ACLY: variants seen among roughly 807,000 people sequenced by gnomAD.
The protein encoded by ACLY is ATP-citrate synthase.
Under a neutral mutation model 133.0 loss-of-function variants are expected in ACLY, and 41 were observed. That is an observed-to-expected ratio of 0.31 (90% CI 0.24 to 0.40). The LOEUF is 0.40. Ranked by LOEUF, ACLY falls within the 10% of genes least tolerant of loss-of-function variation. The pLI is 1.00. For synonymous variants in ACLY, 495 were observed against 549.3 expected, an observed-to-expected ratio of 0.90 and a Z score of 1.38; for missense variants, 1,046 against 1,453.8, an observed-to-expected ratio of 0.72 and a Z score of 4.56.
Position 41,878,163 on chromosome 17 carries a change from G to T in ACLY, c.2427C>A (p.Val809=). 6.3e-7 allele frequency: 1 copy of T among 1,596,726 alleles called. No individual in the cohort carries two copies. The highest frequency in any genetic ancestry group is 1.1e-5 in the South Asian group (1 of 89,018). ...SVYEDLVANG[V]IVPAQEVPPP... ...GCGGCACCTCCTGGGCAGGTACAAT[G>T]ACTCCATTGGCCACGAGATCTTCGT... Residue 809 remains valine (V), a synonymous_variant, in exon 22 of 29, where the codon GTC becomes GTA. Transcript: ENST00000352035.
chr17:41,869,524 T>C lies in ACLY; in HGVS notation c.3001A>G (p.Thr1001Ala). The change falls in exon 26 of 29, where the codon ACT (threonine) becomes GCT (alanine). Residue 1001 changes from threonine (T) to alanine (A), a missense_variant. Coordinates refer to ENST00000352035, the MANE Select transcript of ACLY (RefSeq NM_001096.3). Reference sequence around the variant, plus strand: ...TCCAGTGCATAATCGAGCAGAGGAGTGGCAGGGAAGTGCTGCCTGACGTAA... The same window carrying C: ...TCCAGTGCATAATCGAGCAGAGGAGCGGCAGGGAAGTGCTGCCTGACGTAA... ...KDYVRQHFPATPLLDYALEVE... is the reference protein window; with the variant it reads ...KDYVRQHFPAAPLLDYALEVE... 1 of 1,614,038 alleles carries C rather than the reference T, an allele frequency of 6.2e-7. No individual in the cohort carries two copies. The highest frequency in any genetic ancestry group is 8.5e-7 in the Non-Finnish European group (1 of 1,180,014).
chr17:41,928,434 G>A (rs1555636187), intron 1 of ACLY, among the ~76,000 whole-genome samples: 10 of 152,008 alleles, frequency 6.6e-5, no homozygotes, highest in South Asian at 2.1e-4. Context: ...TTTAAAATAA[G>A]TCTTGAAATC....
rs138642795 is a variant in ACLY, at chr17:41,905,541, G to A, written c.984C>T (p.Thr328=). ...TCTCACCATCTGGGTGCTTCTCTCG[G>A]GTCATGAGGGAGAGGATAGTCTTGG... ...DYAKTILSLM[T]REKHPDGKIL... is the part of the protein sequence containing the mutation. Residue 328 remains threonine (T), a synonymous_variant, in exon 9 of 29, where the codon ACC becomes ACT. Transcript: ENST00000352035. The A allele has an allele frequency of 6.2e-6, 10 of 1,614,168 alleles. No homozygotes were observed. The African/African-American group carries it at 1.2e-4, about 19-fold the overall frequency.
intron 25 of ACLY, chr17:41,870,813 G>A (rs1244185321): frequency 2.6e-5 from 4 of 152,208 alleles, no homozygotes; most frequent in Non-Finnish European, 5.9e-5. Flanking sequence ...CCAATGAAAT[G>A]TGAGTGAAGG....
intron 5 of ACLY, 141 bp from the exon 6 acceptor site, chr17:41,909,209 G>A: frequency 1.4e-6 from 1 of 717,314 alleles, no homozygotes; most frequent in East Asian, 2.7e-5. Flanking sequence ...CATCTCCTCT[G>A]CAACCCCTGC....
Position 41,909,005 on chromosome 17 carries a change from G to C in ACLY, c.600C>G (p.Leu200=). The change falls in exon 6 of 29, where the codon CTC becomes CTG. Residue 200 remains leucine (L), a synonymous_variant. Coordinates refer to ENST00000352035, the MANE Select transcript of ACLY (RefSeq NM_001096.3). ...NFYEDLYFTY[L]EINPLVVTKD... The stretch of plus-strand genomic sequence containing the variant: ...CCCAGTTACCAAGGGGATTGATCTC[G>C]AGGTAGGTGAAGTACAAGTCCTCGT... 1 of 1,613,274 alleles carries C rather than the reference G, an allele frequency of 6.2e-7. No individual in the cohort carries two copies. Among genetic ancestry groups the C allele is most frequent in the East Asian group, 2.2e-5 (1 of 44,870 alleles).
chr17:41,896,868 C>A (rs1315243696), intron 13 of ACLY, among the ~76,000 whole-genome samples: 5 of 152,188 alleles, frequency 3.3e-5, no homozygotes. Context: ...AAAGACCAAA[C>A]GGGCAGAGAG....
rs578028563 is a variant in ACLY at position 41,915,496 on chromosome 17, G to A, written c.-23-1600C>T. Among the ~76,000 whole-genome samples, 5 of 152,272 alleles carry A rather than the reference G, an allele frequency of 3.3e-5. No individual in the cohort carries two copies. In the South Asian group the frequency reaches 1.0e-3, roughly 32 times the overall value. On this transcript the variant is annotated intron_variant, in intron 1 of 28. Transcript: ENST00000352035. ...CCCCTCCCAATCGGCCAGGCTGGTG[G>A]GGCTTCAGGTTCTCATCCTGGCTTG... is the stretch of plus-strand genomic sequence containing the variant.
At chr17:41,888,882 G>A (rs1567895983) in intron 16 of ACLY, among the ~76,000 whole-genome samples, 1 of 152,128 alleles carries the variant, frequency 6.6e-6, no homozygotes, top group Non-Finnish European at 1.5e-5. Flanking sequence ...AATCTGCAAG[G>A]CCAAGGTGGG....
intron 27 of ACLY, 113 bp from the exon 28 acceptor site, chr17:41,868,898 G>T: frequency 7.5e-7 from 1 of 1,337,928 alleles, no homozygotes; most frequent in South Asian, 1.2e-5. Flanking sequence ...CTGGGTGGTA[G>T]CATTACAGGC....
intron 25 of ACLY, chr17:41,870,577 C>T (rs1404396652): frequency 6.6e-6 from 1 of 152,236 alleles, no homozygotes; most frequent in African/African-American, 2.4e-5. Flanking sequence ...AAGGAGCTGT[C>T]CCCATAAGGC....
chr17:41,873,793 T>C lies in ACLY; in HGVS notation c.2642+18A>G. 6.5e-7 allele frequency: 1 copy of C among 1,542,750 alleles called. No homozygotes were observed. The highest frequency in any genetic ancestry group is 8.8e-7 in the Non-Finnish European group (1 of 1,138,412). Reference sequence around the variant, plus strand: ...TCTGAGCTGCAGGGCCCTGTAATCTTCTGCCCTCCATGCTCACCTTTTCTG... The same window carrying C: ...TCTGAGCTGCAGGGCCCTGTAATCTCCTGCCCTCCATGCTCACCTTTTCTG... On this transcript the variant is annotated intron_variant, in intron 23 of 28. Coordinates refer to ENST00000352035, the MANE Select transcript of ACLY (RefSeq NM_001096.3).
chr17:41,876,020 C>G (rs1293141868), intron 22 of ACLY, among the ~76,000 whole-genome samples: 5 of 151,752 alleles, frequency 3.3e-5, no homozygotes, highest in Non-Finnish European at 7.4e-5. Context: ...CGGCCGCCAT[C>G]CCATCTAGGA....
chr17:41,881,165 C>CA (rs1235073974), intron 20 of ACLY, among the ~76,000 whole-genome samples: 2 of 151,898 alleles, frequency 1.3e-5, no homozygotes, highest in Admixed American at 6.6e-5. Flanking sequence ...TGCGGTAACT[C>CA]ACGGCTGTAA....
chr17:41,904,338 AGGAAGGGAAGGGAAGAAGGAAG>A (rs1440491231), intron 10 of ACLY: 29 of 130,114 alleles, frequency 2.2e-4, no homozygotes, highest in African/African-American at 4.9e-4. Flanking sequence ...GAAGGGAAGA[AGGAAGGGAAGGGAAGAAGGAAG>A]GGAAGGGAAG....
intron 9 of ACLY, 143 bp from the exon 10 acceptor site, chr17:41,904,933 T>C: frequency 1.3e-6 from 1 of 744,784 alleles, no homozygotes; most frequent in Non-Finnish European, 2.3e-6. Flanking sequence ...AGTAGGACAG[T>C]CTCTCCAGAC....
intron 25 of ACLY, chr17:41,870,521 T>C (rs982871333): frequency 6.6e-6 from 1 of 152,152 alleles, no homozygotes; most frequent in Admixed American, 6.6e-5. Context: ...ATAAATGAGG[T>C]TGCTGGAGCT....
chr17:41,892,209 A>T, intron 16 of ACLY, 70 bp downstream of exon 16: 2 of 932,880 alleles, frequency 2.1e-6, no homozygotes, highest in Non-Finnish European at 3.1e-6. Context: ...TCTGTCCCCT[A>T]GAGCCCAGTG....
At chr17:41,871,625 G>A in intron 25 of ACLY, 64 bp downstream of exon 25, 1 of 1,600,378 alleles carries the variant, frequency 6.2e-7, no homozygotes, top group South Asian at 1.1e-5. Flanking sequence ...AAAGTGCTGT[G>A]ATTACAGGCA....
Sources: gnomAD v4.1 joint callset for allele counts (sites outside exome capture counted in the v4.1 genomes callset) on GRCh38, gnomAD v4.1.1 for gene constraint, MANE v1.5 for transcripts, NCBI Gene and HGNC (gene_info 2026-07-23, HGNC 2026-07-21) for gene names.